Variants in XPO7 observed in about 807,000 individuals in gnomAD.
XPO7 encodes the protein exportin 7.
XPO7 carries 21 observed loss-of-function variants against 144.3 expected under a neutral mutation model. That is an observed-to-expected ratio of 0.15 (90% CI 0.10 to 0.21). The LOEUF (loss-of-function observed/expected upper bound fraction) is 0.21, where lower values mean the gene tolerates loss of function less well. Among genes scored for constraint, XPO7 ranks in the 10% least tolerant of loss-of-function variants. The pLI, the probability that XPO7 is intolerant of heterozygous loss-of-function variation, is 1.00. For synonymous variants in XPO7, 580 were observed against 499.6 expected, an observed-to-expected ratio of 1.16 and a Z score of -2.15; for missense variants, 808 against 1,325.8, an observed-to-expected ratio of 0.61 and a Z score of 6.06.
At chr8:21,999,702 T>A (rs766976874) in intron 24 of XPO7, 28 bp downstream of exon 24, 1 of 1,613,224 alleles carries the variant, frequency 6.2e-7, no homozygotes. Context: ...GTGGGTGAGT[T>A]GGTGGGTTTG....
chr8:21,933,476 C>G (rs1810722553), intron 1 of XPO7, among the ~76,000 whole-genome samples: 1 of 152,134 alleles, frequency 6.6e-6, no homozygotes, highest in Admixed American at 6.5e-5. Flanking sequence ...TTGAAAATTT[C>G]TCTAATTTTA....
intron 1 of XPO7, among the ~76,000 whole-genome samples, chr8:21,960,161 C>T (rs547609687): frequency 4.6e-5 from 7 of 152,338 alleles, no homozygotes; most frequent in Middle Eastern, 3.4e-3. Context: ...CCTTTGCAGA[C>T]CCAGTGCTTT....
intron 1 of XPO7, among the ~76,000 whole-genome samples, chr8:21,926,964 T>G (rs1212439351): frequency 6.6e-6 from 1 of 152,264 alleles, no homozygotes; most frequent in Non-Finnish European, 1.5e-5. Context: ...CTGGAAAATG[T>G]GACCTTGTTT....
chr8:21,930,450 C>T (rs953891547), intron 1 of XPO7, among the ~76,000 whole-genome samples: 4 of 152,080 alleles, frequency 2.6e-5, no homozygotes, highest in South Asian at 2.1e-4. Flanking sequence ...GAACATAAGA[C>T]GTAAGGGTCA....
At chr8:21,987,982 G>A in intron 15 of XPO7, 125 bp downstream of exon 15, 1 of 1,000,238 alleles carries the variant, frequency 1.0e-6, no homozygotes, top group Non-Finnish European at 1.5e-6. Flanking sequence ...TCAGAAAATT[G>A]TGCATTTGAG....
At position 21,970,267 on chromosome 8, in the gene XPO7, A is replaced by T; in HGVS notation, c.383A>T (p.Tyr128Phe). 5 of 1,613,796 alleles carry T rather than the reference A, an allele frequency of 3.1e-6. No homozygotes were observed. The highest frequency in any genetic ancestry group is 1.3e-5 in the African/African-American group (1 of 74,996). The change falls in exon 4 of 28, where the codon TAT (tyrosine) becomes TTT (phenylalanine). Residue 128 changes from tyrosine to phenylalanine, a missense_variant. Coordinates refer to ENST00000252512, the MANE Select transcript of XPO7 (RefSeq NM_015024.5). ...TGGTTTGACTGTCAGAAGGATGACTATGTCTTCAGAAATGCAATCACAGAC... is the reference window on the plus strand; with the variant it reads ...TGGTTTGACTGTCAGAAGGATGACTTTGTCTTCAGAAATGCAATCACAGAC... ...LGWFDCQKDD[Y>F]VFRNAITDVT...
chr8:21,962,136 TA>T (rs932305352), intron 1 of XPO7, among the ~76,000 whole-genome samples: 3 of 152,326 alleles, frequency 2.0e-5, no homozygotes, highest in Non-Finnish European at 4.4e-5. Flanking sequence ...AAAATGAGTT[TA>T]AAAAATAAAT....
chr8:21,991,140 C>T (rs1205392925), intron 18 of XPO7, among the ~76,000 whole-genome samples: 4 of 152,162 alleles, frequency 2.6e-5, no homozygotes, highest in African/African-American at 4.8e-5. Flanking sequence ...TCATCTGATA[C>T]GCAGTGGCTT....
At chr8:21,956,924 A>G (rs1811555127) in intron 1 of XPO7, among the ~76,000 whole-genome samples, 1 of 152,114 alleles carries the variant, frequency 6.6e-6, no homozygotes, top group Admixed American at 6.5e-5. Context: ...CAGATTTCTG[A>G]TAATACTTGA....
intron 1 of XPO7, among the ~76,000 whole-genome samples, chr8:21,941,828 G>C (rs1811002840): frequency 6.6e-6 from 1 of 152,196 alleles, no homozygotes; most frequent in Non-Finnish European, 1.5e-5. Flanking sequence ...ACTGGCGCAT[G>C]CCACCAGTAG....
intron 1 of XPO7, among the ~76,000 whole-genome samples, chr8:21,928,414 G>A (rs1408444511): frequency 6.6e-6 from 1 of 152,208 alleles, no homozygotes; most frequent in Non-Finnish European, 1.5e-5. Context: ...ACCAGTCTCT[G>A]TATGGATGTA....
chr8:21,985,935 C>T (rs1450580166), intron 13 of XPO7, among the ~76,000 whole-genome samples: 1 of 152,168 alleles, frequency 6.6e-6, no homozygotes, highest in Non-Finnish European at 1.5e-5. Flanking sequence ...CAGAGATTCT[C>T]TGTTAGGTCT....
intron 1 of XPO7, among the ~76,000 whole-genome samples, chr8:21,925,319 A>G (rs1173775966): frequency 6.6e-6 from 1 of 151,964 alleles, no homozygotes; most frequent in Non-Finnish European, 1.5e-5. Context: ...ACACACACAC[A>G]CTCCTACTGC....
In XPO7 at chr8:21,991,983, G is replaced by A; in HGVS notation, c.2148+9G>A. 1 of 1,605,190 alleles carries A rather than the reference G, an allele frequency of 6.2e-7. No individual in the cohort carries two copies. Among genetic ancestry groups the A allele is most frequent in the African/African-American group, 1.3e-5 (1 of 74,892 alleles). ...ACGAGCAGGAGGCAAAGGTGAGTGAGTCTTTCACCCAGTAATTAATCAGCT... is the reference window on the plus strand; with the variant it reads ...ACGAGCAGGAGGCAAAGGTGAGTGAATCTTTCACCCAGTAATTAATCAGCT... On this transcript the variant is annotated intron_variant, in intron 19 of 27. Coordinates refer to ENST00000252512, the MANE Select transcript of XPO7 (RefSeq NM_015024.5).
At chr8:21,921,379 A>C (rs778453798) in intron 1 of XPO7, 1 of 152,294 alleles carries the variant, frequency 6.6e-6, no homozygotes, top group Non-Finnish European at 1.5e-5. Flanking sequence ...GCGCTTCCTT[A>C]CTGGGGGTTG....
At position 21,941,903 on chromosome 8, in the gene XPO7, A is replaced by G. The variant is rs189293638; in HGVS notation, c.18+22115A>G. Among the ~76,000 whole-genome samples the G allele has an allele frequency of 2.6e-4, 40 of 151,504 alleles. 1 individual carries two copies. In the East Asian group the frequency reaches 7.2e-3, roughly 27 times the overall value. ...TCTCAGGATGTTGCCTAGGCTGCCAATTTTTTTTTCTGATGGACAAAATAA... is the reference window on the plus strand; with the variant it reads ...TCTCAGGATGTTGCCTAGGCTGCCAGTTTTTTTTTCTGATGGACAAAATAA... On this transcript the variant is annotated intron_variant, in intron 1 of 27. Coordinates refer to ENST00000252512, the MANE Select transcript of XPO7 (RefSeq NM_015024.5).
At chr8:21,944,219 C>G (rs1158622430) in intron 1 of XPO7, among the ~76,000 whole-genome samples, 1 of 152,130 alleles carries the variant, frequency 6.6e-6, no homozygotes, top group Non-Finnish European at 1.5e-5. Context: ...TAAGGACATT[C>G]ATTCAGTATG....
intron 1 of XPO7, among the ~76,000 whole-genome samples, chr8:21,939,501 G>A (rs1810924490): frequency 6.6e-6 from 1 of 152,174 alleles, no homozygotes; most frequent in Non-Finnish European, 1.5e-5. Context: ...GATTACAGGT[G>A]TGAGCCACCG....
rs1810405501 is a variant in XPO7, at chr8:21,924,767, T to A, written c.18+4979T>A. On this transcript the variant is annotated intron_variant, in intron 1 of 27. Coordinates refer to ENST00000252512, the MANE Select transcript of XPO7 (RefSeq NM_015024.5). ...CACAACATTTTATTGAGAAACTGAT[T>A]TACAAGTATTTCTCTTTTGACTTAT... Among the ~76,000 whole-genome samples the A allele has an allele frequency of 2.0e-5, 3 of 152,264 alleles. No homozygotes were observed. The South Asian group carries it at 6.2e-4, about 31-fold the overall frequency.
Sources: gnomAD v4.1 joint callset for allele counts (sites outside exome capture counted in the v4.1 genomes callset) on GRCh38, gnomAD v4.1.1 for gene constraint, MANE v1.5 for transcripts, NCBI Gene and HGNC (gene_info 2026-07-23, HGNC 2026-07-21) for gene names.